The following MIGA1 variants were observed in gnomAD, a reference collection of about 807,000 sequenced individuals.
The protein encoded by MIGA1 is mitoguardin 1.
In MIGA1, 58 loss-of-function variants were observed where a neutral mutation model predicts 82.0. The ratio of observed to expected loss-of-function variants is 0.71; its 90% CI spans 0.57 to 0.88. The LOEUF is 0.88. Among genes scored for constraint, MIGA1 ranks in the 40% least tolerant of loss-of-function variants. MIGA1 has a pLI of 0.00. For missense variants in MIGA1, 751 were observed against 749.1 expected (o/e 1.00, Z -0.03); for synonymous variants, 249 against 253.6 (o/e 0.98, Z 0.17).
intron 2 of MIGA1, among the ~76,000 whole-genome samples, chr1:77,796,807 G>C (rs995773731): frequency 4.6e-5 from 7 of 152,080 alleles, no homozygotes; most frequent in Non-Finnish European, 4.4e-5. Context: ...TATCCTGGTT[G>C]ATTTTTTTTC....
intron 5 of MIGA1, among the ~76,000 whole-genome samples, chr1:77,812,898 A>G (rs1166128723): frequency 6.6e-6 from 1 of 152,196 alleles, no homozygotes; most frequent in African/African-American, 2.4e-5. Context: ...TGTTGGGATC[A>G]TAGTGGTTCA....
chr1:77,819,801 C>T (rs1683731261), intron 7 of MIGA1, among the ~76,000 whole-genome samples: 2 of 152,050 alleles, frequency 1.3e-5, no homozygotes, highest in Admixed American at 1.3e-4. Context: ...AGGCTGGTCT[C>T]AAACTCCTTG....
At chr1:77,828,761 C>T (rs1345815422) in intron 7 of MIGA1, among the ~76,000 whole-genome samples, 1 of 152,190 alleles carries the variant, frequency 6.6e-6, no homozygotes, top group East Asian at 1.9e-4. Flanking sequence ...TAGCCTTGAA[C>T]TATTGGGCTC....
At chr1:77,822,186 A>T (rs929213110) in intron 7 of MIGA1, among the ~76,000 whole-genome samples, 4 of 104,704 alleles carry the variant, frequency 3.8e-5, no homozygotes, top group African/African-American at 1.1e-4. Flanking sequence ...GTAATAGCTC[A>T]TAAAGCTGTT....
intron 14 of MIGA1, among the ~76,000 whole-genome samples, chr1:77,871,077 A>T (rs1685965784): frequency 1.0e-5 from 1 of 97,654 alleles, no homozygotes; most frequent in African/African-American, 4.3e-5. Flanking sequence ...GAGACCGTGG[A>T]AGGAGACCGT....
intron 8 of MIGA1, among the ~76,000 whole-genome samples, chr1:77,844,684 T>C (rs1320584591): frequency 6.6e-6 from 1 of 152,076 alleles, no homozygotes; most frequent in Non-Finnish European, 1.5e-5. Context: ...ATAGAAATAG[T>C]ATTATGCATC....
intron 8 of MIGA1, among the ~76,000 whole-genome samples, chr1:77,844,118 A>C (rs1257209875): frequency 2.6e-5 from 1 of 39,198 alleles, no homozygotes; most frequent in African/African-American, 6.0e-5. Flanking sequence ...AAAAAAATAT[A>C]TATATATATA....
chr1:77,850,951 C>T (rs901137220), intron 8 of MIGA1, among the ~76,000 whole-genome samples: 1 of 152,114 alleles, frequency 6.6e-6, no homozygotes, highest in African/African-American at 2.4e-5. Flanking sequence ...CTCACTGCAA[C>T]CTCTACCTCC....
At chr1:77,857,331 T>TG (rs1030690864) in intron 8 of MIGA1, among the ~76,000 whole-genome samples, 3 of 151,980 alleles carry the variant, frequency 2.0e-5, no homozygotes, top group African/African-American at 7.3e-5. Context: ...GGTTTTTTTT[T>TG]TTTTGTTTTT....
chr1:77,815,336 A>T (rs1178646240), intron 7 of MIGA1, 105 bp downstream of exon 7: 1 of 934,260 alleles, frequency 1.1e-6, no homozygotes, highest in Non-Finnish European at 1.4e-6. Flanking sequence ...AGGTTACTTA[A>T]AAAAAAATAA....
At chr1:77,833,742 C>T (rs1038994934) in intron 7 of MIGA1, among the ~76,000 whole-genome samples, 3 of 152,194 alleles carry the variant, frequency 2.0e-5, no homozygotes, top group Non-Finnish European at 4.4e-5. Flanking sequence ...AGTTGTACCT[C>T]GTGGCCCTGC....
chr1:77,854,655 A>G (rs1685177886), intron 8 of MIGA1, among the ~76,000 whole-genome samples: 1 of 152,006 alleles, frequency 6.6e-6, no homozygotes, highest in African/African-American at 2.4e-5. Flanking sequence ...GATCATAGTG[A>G]TGTTGAGCAT....
intron 14 of MIGA1, among the ~76,000 whole-genome samples, chr1:77,868,890 A>G (rs1191774975): frequency 6.6e-6 from 1 of 152,080 alleles, no homozygotes; most frequent in Admixed American, 6.5e-5. Context: ...GGAATGTTAT[A>G]GTAAATTAAA....
chr1:77,872,893 T>A, intron 14 of MIGA1, 111 bp from the exon 15 acceptor site: 3 of 1,423,640 alleles, frequency 2.1e-6, no homozygotes, highest in Non-Finnish European at 2.9e-6. Context: ...AAAAACAAAT[T>A]TTCTTAAACT....
chr1:77,823,840 TG>T (rs1163899798), intron 7 of MIGA1, among the ~76,000 whole-genome samples: 1 of 152,220 alleles, frequency 6.6e-6, no homozygotes, highest in African/African-American at 2.4e-5. Flanking sequence ...GTGGGCCTGT[TG>T]AATTCTAAAC....
At chr1:77,820,423 T>A (rs1328128646) in intron 7 of MIGA1, among the ~76,000 whole-genome samples, 1 of 152,180 alleles carries the variant, frequency 6.6e-6, no homozygotes, top group Non-Finnish European at 1.5e-5. Context: ...ATCTGTGTGA[T>A]TATAAAACCT....
intron 2 of MIGA1, among the ~76,000 whole-genome samples, chr1:77,790,252 C>T (rs945113591): frequency 1.3e-5 from 2 of 152,138 alleles, no homozygotes; most frequent in African/African-American, 4.8e-5. Context: ...TAAAGATTTA[C>T]CTCTTGCATC....
At position 77,803,205 on chromosome 1, in the gene MIGA1, A is replaced by T. The variant is rs1252412192; in HGVS notation, c.374-65A>T. On this transcript the variant is annotated intron_variant, in intron 3 of 15. Coordinates refer to ENST00000370791, the MANE Select transcript of MIGA1 (RefSeq NM_198549.4). ...GGGTGAATATATTATAAACTCTGAA[A>T]TTTTTACCTGAAATTTATCATTGGC... 16 of 1,130,796 alleles carry T rather than the reference A, an allele frequency of 1.4e-5. No homozygotes were observed. The East Asian group carries it at 4.0e-4, about 28-fold the overall frequency. 70.0% of individuals were successfully genotyped at this position (1,130,796 alleles called of 1,614,324 possible).
At chr1:77,796,432 T>C (rs970635567) in intron 2 of MIGA1, among the ~76,000 whole-genome samples, 4 of 151,998 alleles carry the variant, frequency 2.6e-5, no homozygotes, top group Admixed American at 2.6e-4. Context: ...ATTTTTTTTT[T>C]TTTTTTAAGA....
Sources: gnomAD v4.1 joint callset for allele counts (sites outside exome capture counted in the v4.1 genomes callset) on GRCh38, gnomAD v4.1.1 for gene constraint, MANE v1.5 for transcripts, NCBI Gene and HGNC (gene_info 2026-07-23, HGNC 2026-07-21) for gene names.